The following LRBA variants were observed in gnomAD, a reference collection of about 807,000 sequenced individuals.
LRBA encodes lipopolysaccharide-responsive and beige-like anchor protein.
Under a neutral mutation model 330.0 loss-of-function variants are expected in LRBA, and 176 were observed. The observed-to-expected ratio is 0.53, with a 90% CI of 0.47 to 0.60. LRBA has a LOEUF of 0.60. Ranked by LOEUF, LRBA falls within the 20% of genes least tolerant of loss-of-function variation. The probability of loss-of-function intolerance (pLI) is 0.00; values close to 1 mark genes in which losing one functional copy is unlikely to be tolerated. For synonymous variants in LRBA, 1,230 were observed against 1,193.0 expected, an observed-to-expected ratio of 1.03 and a Z score of -0.64; for missense variants, 3,259 against 3,444.8, an observed-to-expected ratio of 0.95 and a Z score of 1.35.
chr4:150,764,930 G>C (rs1735553618), intron 34 of LRBA, among the ~76,000 whole-genome samples: 1 of 152,010 alleles, frequency 6.6e-6, no homozygotes, highest in East Asian at 1.9e-4. Context: ...GTTTAACCAA[G>C]GGAGTTGAAA....
rs189945103 is a variant in LRBA at position 150,433,099 on chromosome 4, T to A, written c.7041+2490A>T. ...TTCACAAAGTAAGTTCTGAAAAAAA[T>A]TTTGTGCTTCCAAACATAATGAAAC... On this transcript the variant is annotated intron_variant, in intron 46 of 56. Coordinates refer to ENST00000651943, the MANE Select transcript of LRBA (RefSeq NM_001364905.1). 3.0e-3 allele frequency among the ~76,000 whole-genome samples: 451 copies of A among 152,148 alleles called. 3 individuals carry two copies. The highest frequency in any genetic ancestry group is 5.4e-3 in the Non-Finnish European group (365 of 67,986).
chr4:150,754,346 C>T (rs1227499095), intron 35 of LRBA, among the ~76,000 whole-genome samples: 1 of 144,732 alleles, frequency 6.9e-6, no homozygotes, highest in African/African-American at 2.8e-5. Context: ...AAATGATAAA[C>T]ATTAATTTAA....
At chr4:150,921,883 A>G (rs1733317436) in intron 4 of LRBA, among the ~76,000 whole-genome samples, 1 of 152,064 alleles carries the variant, frequency 6.6e-6, no homozygotes, top group African/African-American at 2.4e-5. Context: ...ACGCCACCAC[A>G]CCCGGCTAAC....
rs1030916643 is a variant in LRBA at position 150,387,664 on chromosome 4, A to G, written c.7194+27774T>C. Among the ~76,000 whole-genome samples the G allele has an allele frequency of 3.9e-5, 6 of 152,198 alleles. No individual in the cohort carries two copies. The East Asian group carries it at 7.7e-4, about 20-fold the overall frequency. On this transcript the variant is annotated intron_variant, in intron 47 of 56. Coordinates refer to ENST00000651943, the MANE Select transcript of LRBA (RefSeq NM_001364905.1). The stretch of plus-strand genomic sequence containing the variant: ...TTGTGCAATGTATATAACAAATTCT[A>G]TAAGAATTCAAGGGGTGAGGAGGGG...
Position 150,684,035 on chromosome 4 carries a change from T to G in LRBA, c.5755-318A>C, listed in dbSNP as rs557008059. The G allele has an allele frequency of 1.0e-4, 22 of 212,080 alleles. 1 individual carries two copies. The South Asian group carries it at 3.0e-3, about 29-fold the overall frequency. 13.1% of individuals were successfully genotyped at this position (212,080 alleles called of 1,614,324 possible). On this transcript the variant is annotated intron_variant, in intron 36 of 56. Transcript: ENST00000651943. ...AGCATGAAGTGAAGTTGCAAAGGAC[T>G]TGAGACATAGTGAATAAGGAGAATA...
At chr4:150,271,102 G>C (rs1256057388) in intron 56 of LRBA, among the ~76,000 whole-genome samples, 1 of 152,150 alleles carries the variant, frequency 6.6e-6, no homozygotes, top group African/African-American at 2.4e-5. Context: ...GGAAGCACAA[G>C]GGGTCGGGGA....
At chr4:150,988,047 T>C (rs1467029532) in intron 2 of LRBA, among the ~76,000 whole-genome samples, 1 of 151,376 alleles carries the variant, frequency 6.6e-6, no homozygotes. Flanking sequence ...AAAACTCTTC[T>C]TATAATATCA....
chr4:150,785,765 T>A (rs1291253037), intron 34 of LRBA, among the ~76,000 whole-genome samples: 1 of 152,168 alleles, frequency 6.6e-6, no homozygotes, highest in Non-Finnish European at 1.5e-5. Flanking sequence ...TAAAAGTATT[T>A]CTCAACTACG....
chr4:150,630,506 T>C (rs28501240), intron 37 of LRBA, among the ~76,000 whole-genome samples: 10,252 of 152,268 alleles, frequency 0.067, 584 homozygotes, highest in East Asian at 0.18. Context: ...TCAGTAATCA[T>C]GTCATATGTG....
chr4:150,439,949 C>CA (rs1751603249), intron 44 of LRBA, among the ~76,000 whole-genome samples: 1 of 152,112 alleles, frequency 6.6e-6, no homozygotes, highest in Non-Finnish European at 1.5e-5. Flanking sequence ...TGCATCAAAG[C>CA]ATTTTTAAAA....
intron 15 of LRBA, 36 bp from the exon 16 acceptor site, chr4:150,896,492 T>A (rs765290073): frequency 1.0e-5 from 11 of 1,075,226 alleles, no homozygotes; most frequent in African/African-American, 4.8e-5. Flanking sequence ...TACGTTTACA[T>A]GTAAAAAAAT....
Position 150,588,106 on chromosome 4 carries a change from G to A in LRBA, c.6272C>T (p.Ser2091Phe), listed in dbSNP as rs1772344628. ...VVKGTLSVTSSELYFEVDEED... is the reference protein window; with the variant it reads ...VVKGTLSVTSFELYFEVDEED... ...TTCATCCACCTCAAAATAGAGTTCG[G>A]AGGAGGTGACAGAAAGAGTGCCCTT... Residue 2091 changes from serine to phenylalanine, a missense_variant, in exon 40 of 57, where the codon TCC (serine) becomes TTC (phenylalanine). By Grantham distance (155) the Ser-to-Phe change is radical (BLOSUM62 -2). Transcript: ENST00000651943. The A allele has an allele frequency of 1.9e-6, 3 of 1,612,700 alleles. No homozygotes were observed. In the East Asian group the frequency reaches 6.7e-5, roughly 36 times the overall value.
chr4:150,324,975 T>A (rs1733043883), intron 49 of LRBA, among the ~76,000 whole-genome samples: 1 of 152,154 alleles, frequency 6.6e-6, no homozygotes, highest in South Asian at 2.1e-4. Context: ...AATGGCCACC[T>A]TATTTTGTAG....
At chr4:150,924,485 C>G (rs1307275142) in intron 4 of LRBA, among the ~76,000 whole-genome samples, 1 of 151,896 alleles carries the variant, frequency 6.6e-6, no homozygotes, top group African/African-American at 2.4e-5. Context: ...GTACTCCAAC[C>G]TGGGTAACAG....
intron 47 of LRBA, among the ~76,000 whole-genome samples, chr4:150,387,038 A>G (rs1743184652): frequency 6.6e-6 from 1 of 151,902 alleles, no homozygotes; most frequent in Non-Finnish European, 1.5e-5. Context: ...TTTTTTTCAC[A>G]AGCTTTTTGG....
intron 9 of LRBA, among the ~76,000 whole-genome samples, chr4:150,912,879 C>A (rs776944072): frequency 6.6e-6 from 1 of 152,056 alleles, no homozygotes; most frequent in Non-Finnish European, 1.5e-5. Context: ...CACTGAATCT[C>A]GTAAGTTTTG....
intron 9 of LRBA, 78 bp downstream of exon 9, chr4:150,914,117 C>T: frequency 8.8e-7 from 1 of 1,131,322 alleles, no homozygotes; most frequent in Non-Finnish European, 1.2e-6. Context: ...TATCCATTAA[C>T]CAAACTCTCC....
At chr4:150,556,385 T>C (rs1009682412) in intron 40 of LRBA, among the ~76,000 whole-genome samples, 1 of 152,222 alleles carries the variant, frequency 6.6e-6, no homozygotes, top group African/African-American at 2.4e-5. Context: ...ATTATATGGT[T>C]AATGTCTAAA....
At chr4:150,524,249 A>G (rs2152178346) in intron 40 of LRBA, among the ~76,000 whole-genome samples, 1 of 152,288 alleles carries the variant, frequency 6.6e-6, no homozygotes, top group Admixed American at 6.5e-5. Context: ...TTATAGTTAC[A>G]TCACTAACAA....
Sources: gnomAD v4.1 joint callset for allele counts (sites outside exome capture counted in the v4.1 genomes callset) on GRCh38, gnomAD v4.1.1 for gene constraint, MANE v1.5 for transcripts, NCBI Gene and HGNC (gene_info 2026-07-23, HGNC 2026-07-21) for gene names.